The following SMOC2 variants were observed in gnomAD, a reference collection of about 807,000 sequenced individuals.
SMOC2 encodes the protein SPARC related modular calcium binding 2, also known as SPARC-related modular calcium-binding protein 2.
A neutral mutation model predicts 61.4 loss-of-function variants in SMOC2; 39 were observed. The observed-to-expected ratio is 0.64, with a 90% CI of 0.49 to 0.83. The LOEUF is 0.83. SMOC2 is among the 40% of genes least tolerant of loss of function. SMOC2 has a pLI of 0.00. For synonymous variants in SMOC2, 247 were observed against 239.9 expected (o/e 1.03, Z -0.27); for missense variants, 556 against 592.9 (o/e 0.94, Z 0.65).
At chr6:168,539,543 G>A (rs148242283) in intron 4 of SMOC2, among the ~76,000 whole-genome samples, 3 of 152,382 alleles carry the variant, frequency 2.0e-5, no homozygotes, top group African/African-American at 4.8e-5. Flanking sequence ...TGTGCATGGT[G>A]TCTGGGTCCC....
chr6:168,484,086 C>T (rs772256872), intron 1 of SMOC2, among the ~76,000 whole-genome samples: 2 of 152,028 alleles, frequency 1.3e-5, no homozygotes, highest in Admixed American at 1.3e-4. Context: ...AAAAATTGTA[C>T]AAATTGGACT....
chr6:168,629,849 A>G (rs1786520926), intron 9 of SMOC2, among the ~76,000 whole-genome samples: 1 of 152,170 alleles, frequency 6.6e-6, no homozygotes, highest in Non-Finnish European at 1.5e-5. Flanking sequence ...AAGTGTAAGC[A>G]TTTCTGGTGT....
At chr6:168,481,624 A>T (rs934362280) in intron 1 of SMOC2, among the ~76,000 whole-genome samples, 5 of 152,040 alleles carry the variant, frequency 3.3e-5, no homozygotes, top group Non-Finnish European at 7.4e-5. Flanking sequence ...TCCTTATAAG[A>T]TATGTAAGAA....
chr6:168,622,724 A>G (rs1786277722), intron 9 of SMOC2, among the ~76,000 whole-genome samples: 1 of 152,110 alleles, frequency 6.6e-6, no homozygotes, highest in Non-Finnish European at 1.5e-5. Flanking sequence ...CATTTCTCTA[A>G]TCCACACTTC....
chr6:168,475,319 C>A lies in SMOC2; in HGVS notation c.84+33865C>A, dbSNP rs1221855197. Among the ~76,000 whole-genome samples, 1 of 152,110 alleles carries A rather than the reference C, an allele frequency of 6.6e-6. No homozygotes were observed. The highest frequency in any genetic ancestry group is 2.4e-5 in the African/African-American group (1 of 41,430). ...TTTCAATGCCTTTCCTTCCTCTTCT[C>A]TGTGGACGTAGATTAAATTCACTCT... On this transcript the variant is annotated intron_variant, in intron 1 of 12. Coordinates refer to ENST00000356284, the MANE Select transcript of SMOC2 (RefSeq NM_001166412.2). This position sits in a 1 kb window ranked among gnomAD's most constrained non-coding sequence, Gnocchi z 4.6.
intron 2 of SMOC2, among the ~76,000 whole-genome samples, chr6:168,514,642 C>T (rs1231958265): frequency 6.6e-6 from 1 of 152,184 alleles, no homozygotes. Context: ...ATGTACTCTT[C>T]AGAGAAGTTT....
chr6:168,481,492 A>G (rs1782205530), intron 1 of SMOC2, among the ~76,000 whole-genome samples: 1 of 152,088 alleles, frequency 6.6e-6, no homozygotes, highest in African/African-American at 2.4e-5. Context: ...ATGGTAACTA[A>G]AAACACACAA....
intron 9 of SMOC2, among the ~76,000 whole-genome samples, chr6:168,635,870 CA>C (rs373754531): frequency 8.3e-4 from 114 of 136,924 alleles, no homozygotes; most frequent in South Asian, 9.7e-4. Flanking sequence ...GACTCTGTCT[CA>C]AAAAAAAAAA....
rs544098958 is a variant in SMOC2, at chr6:168,588,978, G to A, written c.638-9840G>A. On this transcript the variant is annotated intron_variant, in intron 7 of 12. Coordinates refer to ENST00000356284, the MANE Select transcript of SMOC2 (RefSeq NM_001166412.2). ...CCCTGTAGTCTCAGCTCTGAAGGCTGAAGCAAGAGAATCACTTGAACCGGG... is the reference window on the plus strand; with the variant it reads ...CCCTGTAGTCTCAGCTCTGAAGGCTAAAGCAAGAGAATCACTTGAACCGGG... Among the ~76,000 whole-genome samples the A allele has an allele frequency of 3.3e-5, 5 of 149,818 alleles. No homozygotes were observed. In the South Asian group the frequency reaches 1.1e-3, roughly 32 times the overall value.
chr6:168,462,427 T>C (rs1388856560), intron 1 of SMOC2, among the ~76,000 whole-genome samples: 1 of 152,126 alleles, frequency 6.6e-6, no homozygotes, highest in Admixed American at 6.5e-5. Context: ...GGCCTCCCTA[T>C]CTTCCCAGGT....
At chr6:168,573,796 G>A (rs888519497) in intron 7 of SMOC2, among the ~76,000 whole-genome samples, 1 of 152,112 alleles carries the variant, frequency 6.6e-6, no homozygotes, top group Admixed American at 6.5e-5. Flanking sequence ...CGACGTGGGG[G>A]CCCACAGGTT....
At chr6:168,464,640 C>A (rs1483732498) in intron 1 of SMOC2, among the ~76,000 whole-genome samples, 1 of 151,798 alleles carries the variant, frequency 6.6e-6, no homozygotes, top group Non-Finnish European at 1.5e-5. Context: ...GGTAGTATTT[C>A]CACTAAGCCA....
chr6:168,518,433 GTGTGAC>G lies in SMOC2; in HGVS notation c.257-7907_257-7902del, dbSNP rs1385566726. 8.9e-5 allele frequency among the ~76,000 whole-genome samples: 13 copies of G among 146,816 alleles called. No individual in the cohort carries two copies. The East Asian group carries it at 1.9e-3, about 22-fold the overall frequency. ...TGTGAATGTGTGCATGAGTGTGCATGTGTGACTGTGAATGTGTGAATGTGTGTATTC... is the reference window on the plus strand; with the variant it reads ...TGTGAATGTGTGCATGAGTGTGCATGTGTGAATGTGTGAATGTGTGTATTC... On this transcript the variant is annotated intron_variant, in intron 2 of 12. Transcript: ENST00000356284.
At chr6:168,637,155 T>G (rs1786760832) in intron 9 of SMOC2, among the ~76,000 whole-genome samples, 1 of 152,080 alleles carries the variant, frequency 6.6e-6, no homozygotes, top group African/African-American at 2.4e-5. Context: ...CTGAGTAGTT[T>G]GAAAGCCAGC....
At chr6:168,537,489 C>T (rs1180688948) in intron 4 of SMOC2, among the ~76,000 whole-genome samples, 2 of 152,240 alleles carry the variant, frequency 1.3e-5, no homozygotes, top group Non-Finnish European at 2.9e-5. Context: ...CCTAATACAG[C>T]ACTCTGCAGG....
At chr6:168,503,414 C>T (rs538171919) in intron 1 of SMOC2, among the ~76,000 whole-genome samples, 10 of 152,168 alleles carry the variant, frequency 6.6e-5, no homozygotes, top group South Asian at 2.1e-4. Context: ...AGAGCACTTA[C>T]GTCACGTCTC....
At chr6:168,451,583 G>GTC (rs1186358481) in intron 1 of SMOC2, among the ~76,000 whole-genome samples, 1 of 110,132 alleles carries the variant, frequency 9.1e-6, no homozygotes, top group Non-Finnish European at 1.9e-5. Flanking sequence ...CTCTCTCTCT[G>GTC]TCTCTCTCTG....
intron 2 of SMOC2, among the ~76,000 whole-genome samples, chr6:168,525,211 C>A (rs1249243489): frequency 6.6e-6 from 1 of 152,238 alleles, no homozygotes; most frequent in Non-Finnish European, 1.5e-5. Context: ...GTGTGTTCTG[C>A]TTCCGGGGAG....
At chr6:168,486,887 A>G (rs534724282) in intron 1 of SMOC2, among the ~76,000 whole-genome samples, 14 of 152,254 alleles carry the variant, frequency 9.2e-5, no homozygotes, top group African/African-American at 3.4e-4. Context: ...CACTTCTTGG[A>G]AGAAAATCAT....
Sources: gnomAD v4.1 joint callset for allele counts (sites outside exome capture counted in the v4.1 genomes callset) on GRCh38, gnomAD v4.1.1 for gene constraint, Gnocchi (gnomAD v3.1) non-coding constraint, MANE v1.5 for transcripts, NCBI Gene and HGNC (gene_info 2026-07-23, HGNC 2026-07-21) for gene names.